Variants in CLCN5 observed in about 807,000 individuals in gnomAD.
CLCN5 encodes H(+)/Cl(-) exchange transporter 5.
CLCN5 carries 17 observed loss-of-function variants against 54.0 expected under a neutral mutation model. The ratio of observed to expected loss-of-function variants is 0.31; its 90% CI spans 0.22 to 0.47. CLCN5 has a LOEUF of 0.47. CLCN5 is among the 20% of genes least tolerant of loss of function. The probability of loss-of-function intolerance (pLI) is 1.00; values close to 1 mark genes in which losing one functional copy is unlikely to be tolerated. For missense variants in CLCN5, 448 were observed against 646.7 expected (o/e 0.69, Z 3.33); for synonymous variants, 222 against 233.0 (o/e 0.95, Z 0.43).
At chrX:50,036,191 A>AT (rs1557186510) in intron 3 of CLCN5, among the ~76,000 whole-genome samples, 1 of 102,358 alleles carries the variant, frequency 9.8e-6, no homozygotes, top group African/African-American at 4.6e-5. Flanking sequence ...TGCAGCTTTA[A>AT]TTTTTTCTCT....
intron 3 of CLCN5, among the ~76,000 whole-genome samples, chrX:49,997,184 A>G (rs928092574): frequency 8.9e-6 from 1 of 111,906 alleles, no homozygotes; most frequent in Admixed American, 9.5e-5. Flanking sequence ...CTCTTACTTG[A>G]TGTAGACCCT....
At chrX:50,023,083 A>G (rs1557184594) in intron 3 of CLCN5, among the ~76,000 whole-genome samples, 1 of 96,593 alleles carries the variant, frequency 1.0e-5, no homozygotes, top group Non-Finnish European at 1.9e-5. Flanking sequence ...GGGGTGTTAA[A>G]GTCTCCCATT....
At chrX:50,018,889 C>G (rs1465217037) in intron 3 of CLCN5, among the ~76,000 whole-genome samples, 1 of 111,564 alleles carries the variant, frequency 9.0e-6, no homozygotes, top group Non-Finnish European at 1.9e-5. Flanking sequence ...CATCTATGTT[C>G]ATGGGAGATA....
chrX:50,016,856 AT>A (rs1316880063), intron 3 of CLCN5, among the ~76,000 whole-genome samples: 3 of 109,203 alleles, frequency 2.7e-5, no homozygotes, highest in Non-Finnish European at 5.7e-5. Context: ...AGAATGGCTT[AT>A]TTTACTTAGC....
intron 3 of CLCN5, among the ~76,000 whole-genome samples, chrX:50,027,583 C>T: frequency 8.9e-6 from 1 of 112,092 alleles, no homozygotes; most frequent in East Asian, 2.8e-4. Context: ...AGATTTCCAT[C>T]TCTCTGCTTA....
At chrX:49,975,990 C>G (rs781954387) in intron 3 of CLCN5, among the ~76,000 whole-genome samples, 2 of 111,681 alleles carry the variant, frequency 1.8e-5, no homozygotes, top group Non-Finnish European at 3.8e-5. Flanking sequence ...CTACTGGCAT[C>G]TAGTGGGTGG....
chrX:50,032,789 C>T (rs1931779385), intron 3 of CLCN5, among the ~76,000 whole-genome samples: 1 of 109,249 alleles, frequency 9.2e-6, no homozygotes, highest in Non-Finnish European at 1.9e-5. Flanking sequence ...ACATGAAGTC[C>T]TTGCCCATGC....
intron 3 of CLCN5, among the ~76,000 whole-genome samples, chrX:49,953,494 T>C (rs1422237257): frequency 2.7e-5 from 3 of 110,497 alleles, no homozygotes; most frequent in South Asian, 7.8e-4. Flanking sequence ...TTTGTAGATA[T>C]GGTTTCTCAC....
At chrX:49,984,978 T>C (rs1928928721) in intron 3 of CLCN5, among the ~76,000 whole-genome samples, 1 of 110,526 alleles carries the variant, frequency 9.0e-6, no homozygotes, top group African/African-American at 3.3e-5. Context: ...TTGGGCTGTT[T>C]TTTTTTTGCT....
At chrX:50,012,546 C>T (rs1266537850) in intron 3 of CLCN5, among the ~76,000 whole-genome samples, 4 of 112,468 alleles carry the variant, frequency 3.6e-5, no homozygotes, top group Non-Finnish European at 5.6e-5. Flanking sequence ...TTTCATTCTT[C>T]GTAGTTGGGT....
intron 3 of CLCN5, among the ~76,000 whole-genome samples, chrX:49,975,080 T>C (rs1294961328): frequency 8.9e-6 from 1 of 112,052 alleles, no homozygotes; most frequent in Non-Finnish European, 1.9e-5. Context: ...ACAATGGTAA[T>C]CAAGTGTAAT....
chrX:50,070,338 T>C (rs954011403), intron 5 of CLCN5, among the ~76,000 whole-genome samples: 1 of 112,169 alleles, frequency 8.9e-6, no homozygotes, highest in East Asian at 2.8e-4. Context: ...TAGTGATTTA[T>C]CTTACTATAG....
At chrX:49,993,679 G>A (rs1216155342) in intron 3 of CLCN5, among the ~76,000 whole-genome samples, 2 of 112,507 alleles carry the variant, frequency 1.8e-5, no homozygotes, top group Admixed American at 1.9e-4. Context: ...AGTAGTGAGT[G>A]GCATTGTCCT....
At chrX:50,033,338 A>G (rs1167723347) in intron 3 of CLCN5, among the ~76,000 whole-genome samples, 7 of 111,751 alleles carry the variant, frequency 6.3e-5, no homozygotes, top group Non-Finnish European at 1.1e-4. Context: ...TACAAAATCA[A>G]TGTACAAAAA....
chrX:50,058,740 G>T (rs1287466477), intron 4 of CLCN5, among the ~76,000 whole-genome samples: 1 of 111,360 alleles, frequency 9.0e-6, no homozygotes, highest in Non-Finnish European at 1.9e-5. Flanking sequence ...AGATCTAATT[G>T]TACTTTAACT....
chrX:50,048,542 T>G, intron 4 of CLCN5, among the ~76,000 whole-genome samples: 1 of 112,940 alleles, frequency 8.9e-6, no homozygotes. Context: ...TATTTTGTGC[T>G]TTGAGTTATA....
intron 2 of CLCN5, among the ~76,000 whole-genome samples, chrX:49,924,730 T>C (rs1359840333): frequency 3.6e-5 from 4 of 111,941 alleles, no homozygotes; most frequent in Non-Finnish European, 7.5e-5. Context: ...TCCTTTTTTT[T>C]CCCCTATACA....
At chrX:50,086,137 A>G in intron 10 of CLCN5, 77 bp downstream of exon 10, 6 of 909,178 alleles carry the variant, frequency 6.6e-6, no homozygotes, top group Non-Finnish European at 9.6e-6. Flanking sequence ...ATAATTTTGT[A>G]CATAATGTAC....
At chrX:50,090,585 A>G in intron 13 of CLCN5, 71 bp downstream of exon 13, 1 of 1,159,671 alleles carries the variant, frequency 8.6e-7, no homozygotes, top group Non-Finnish European at 1.2e-6. Flanking sequence ...ATGGGGGAAG[A>G]CAGGGAAGGG....
Sources: gnomAD v4.1 joint callset for allele counts (sites outside exome capture counted in the v4.1 genomes callset) on GRCh38, gnomAD v4.1.1 for gene constraint, MANE v1.5 for transcripts, NCBI Gene and HGNC (gene_info 2026-07-23, HGNC 2026-07-21) for gene names.